Variants in UBR2 observed in about 807,000 individuals in gnomAD.
UBR2 encodes the protein E3 ubiquitin-protein ligase UBR2.
UBR2 carries 92 observed loss-of-function variants against 247.9 expected under a neutral mutation model. That is an observed-to-expected ratio of 0.37 (90% CI 0.31 to 0.44). The LOEUF (loss-of-function observed/expected upper bound fraction) is 0.44. UBR2 is among the 20% of genes least tolerant of loss of function. The pLI is 1.00. For missense variants in UBR2, 1,613 were observed against 2,112.6 expected, an observed-to-expected ratio of 0.76 and a Z score of 4.64; for synonymous variants, 672 against 693.5, an observed-to-expected ratio of 0.97 and a Z score of 0.49.
Position 42,658,756 on chromosome 6 carries a change from T to A in UBR2, c.3174T>A (p.Asp1058Glu), listed in dbSNP as rs367826875. ...QMSEMQRHFI[D>E]ENKELFQQTL... ...CTGAAATGCAGCGGCATTTTATTGA[T>A]GAAAACAAAGAACTCTTTCAGCAGA... Residue 1058 changes from aspartate to glutamate, a missense_variant, in exon 29 of 47, where the codon GAT becomes GAA. Physicochemically the swap from Asp to Glu is conservative, Grantham distance 45. Transcript: ENST00000372901. 1 of 1,611,104 alleles carries A rather than the reference T, an allele frequency of 6.2e-7. No homozygotes were observed. Among genetic ancestry groups the A allele is most frequent in the South Asian group, 1.1e-5 (1 of 90,984 alleles).
chr6:42,625,128 C>T (rs960317754), intron 11 of UBR2, among the ~76,000 whole-genome samples: 2 of 152,098 alleles, frequency 1.3e-5, no homozygotes, highest in Non-Finnish European at 2.9e-5. Context: ...TGCAAAGGCA[C>T]TTTACTCACT....
intron 11 of UBR2, among the ~76,000 whole-genome samples, chr6:42,628,932 A>G (rs550179981): frequency 1.3e-5 from 2 of 152,224 alleles, no homozygotes; most frequent in Admixed American, 6.5e-5. Context: ...ATATGCTGTT[A>G]AATAGGTAAT....
intron 4 of UBR2, among the ~76,000 whole-genome samples, chr6:42,599,910 A>T (rs976986923): frequency 6.6e-6 from 1 of 152,134 alleles, no homozygotes; most frequent in African/African-American, 2.4e-5. Flanking sequence ...TTGTTTTTTT[A>T]AATGAAAATC....
At chr6:42,632,157 T>C (rs905149517) in intron 11 of UBR2, among the ~76,000 whole-genome samples, 3 of 150,516 alleles carry the variant, frequency 2.0e-5, no homozygotes, top group Non-Finnish European at 4.4e-5. Flanking sequence ...GAGAAAATAT[T>C]GTTTCATACT....
chr6:42,614,696 A>C (rs1794427019), intron 8 of UBR2, among the ~76,000 whole-genome samples: 1 of 152,144 alleles, frequency 6.6e-6, no homozygotes, highest in Non-Finnish European at 1.5e-5. Context: ...AGCACATTTT[A>C]TATTTCAATT....
chr6:42,687,376 G>T (rs1048712420), intron 44 of UBR2, among the ~76,000 whole-genome samples: 1 of 152,200 alleles, frequency 6.6e-6, no homozygotes, highest in African/African-American at 2.4e-5. Flanking sequence ...CCCAGGCACT[G>T]GGCAGGCTGA....
chr6:42,685,156 A>G (rs942259078), intron 44 of UBR2, among the ~76,000 whole-genome samples: 1 of 152,146 alleles, frequency 6.6e-6, no homozygotes, highest in African/African-American at 2.4e-5. Flanking sequence ...TACTAAAAAT[A>G]CAGAATTAGC....
chr6:42,683,153 A>G, intron 43 of UBR2, 42 bp downstream of exon 43: 1 of 1,539,890 alleles, frequency 6.5e-7, no homozygotes, highest in South Asian at 1.1e-5. Flanking sequence ...GGTGGGAGAA[A>G]GGGTGGAATC....
At chr6:42,673,530 G>A (rs1009649668) in intron 36 of UBR2, among the ~76,000 whole-genome samples, 9 of 152,184 alleles carry the variant, frequency 5.9e-5, no homozygotes, top group East Asian at 1.9e-4. Context: ...TGTCAGATGC[G>A]TATATTCTAT....
chr6:42,637,535 G>A (rs978344359), intron 15 of UBR2, among the ~76,000 whole-genome samples: 1 of 152,020 alleles, frequency 6.6e-6, no homozygotes, highest in African/African-American at 2.4e-5. Flanking sequence ...TCATTTCATC[G>A]AATCCAGCTT....
chr6:42,689,685 T>C lies in UBR2; in HGVS notation c.5126+15T>C. ...CAGGGACTCAGGTAAGAACCCATCC[T>C]GAGTTAGCTAACTCAGGGCCTGCAG... On this transcript the variant is annotated intron_variant, in intron 46 of 46. Coordinates refer to ENST00000372901, the MANE Select transcript of UBR2 (RefSeq NM_001363705.2). This position sits in a 1 kb window ranked among gnomAD's most constrained non-coding sequence, Gnocchi z 4.0. The C allele has an allele frequency of 1.2e-6, 2 of 1,611,276 alleles. No homozygotes were observed. Among genetic ancestry groups the C allele is most frequent in the South Asian group, 2.2e-5 (2 of 91,024 alleles).
rs754859437 is a variant in UBR2, at chr6:42,670,149, C to T, written c.3939C>T (p.Tyr1313=). 6.2e-7 allele frequency: 1 copy of T among 1,614,136 alleles called. No individual in the cohort carries two copies. Among genetic ancestry groups the T allele is most frequent in the Admixed American group, 1.7e-5 (1 of 60,014 alleles). ...EMLTTFGTAT[Y]KVGLKVHPNE... is the part of the protein sequence containing the mutation. ...TAACGACATTTGGAACTGCTACCTACAAGGTGGGACTAAAGGTTCATCCCA... is the reference window on the plus strand; with the variant it reads ...TAACGACATTTGGAACTGCTACCTATAAGGTGGGACTAAAGGTTCATCCCA... Residue 1313 remains tyrosine, a synonymous_variant, in exon 35 of 47, where the codon TAC becomes TAT. Transcript: ENST00000372901.
Position 42,692,454 on chromosome 6 carries a change from G to A in UBR2, c.*1281G>A, listed in dbSNP as rs1046814112. The A allele has an allele frequency of 6.6e-6, 1 of 152,158 alleles. No homozygotes were observed. The highest frequency in any genetic ancestry group is 1.5e-5 in the Non-Finnish European group (1 of 68,038). 9.4% of individuals were successfully genotyped at this position (152,158 alleles called of 1,614,324 possible). A position where few individuals can be genotyped will look rare whatever the true frequency, so the allele number is the denominator to read the frequency against. ...TTACAAAATAGCTTATAATTATTAT[G>A]TACCACACAACTACTATTGTTTGAT... On this transcript the variant is annotated 3_prime_UTR_variant, in exon 47 of 47. Transcript: ENST00000372901.
chr6:42,673,756 T>G, intron 36 of UBR2, 35 bp from the exon 37 acceptor site: 1 of 1,522,424 alleles, frequency 6.6e-7, no homozygotes, highest in Non-Finnish European at 9.1e-7. Flanking sequence ...TGCTTTGCAT[T>G]TTTGTTTTTT....
chr6:42,572,220 G>A (rs946401831), intron 1 of UBR2, among the ~76,000 whole-genome samples: 3 of 151,990 alleles, frequency 2.0e-5, no homozygotes, highest in Admixed American at 6.6e-5. Context: ...CTCTTTCACC[G>A]TTTTTGGTTA....
At chr6:42,640,382 A>AT in intron 16 of UBR2, 112 bp downstream of exon 16, 4 of 318,428 alleles carry the variant, frequency 1.3e-5, no homozygotes, top group Middle Eastern at 7.1e-4. Context: ...AGAACCAGTA[A>AT]GGTGTGTGTG....
chr6:42,577,707 G>A (rs1299857749), intron 2 of UBR2, among the ~76,000 whole-genome samples: 2 of 151,534 alleles, frequency 1.3e-5, no homozygotes, highest in African/African-American at 4.9e-5. Context: ...GAGAAGTAAG[G>A]TTTCATCCCC....
chr6:42,611,170 T>C (rs1794055614), intron 7 of UBR2, among the ~76,000 whole-genome samples: 1 of 147,534 alleles, frequency 6.8e-6, no homozygotes, highest in African/African-American at 2.5e-5. Flanking sequence ...AAAAAAAAAG[T>C]TGATAACATG....
At chr6:42,603,028 G>A (rs137975049) in intron 4 of UBR2, among the ~76,000 whole-genome samples, 7 of 152,128 alleles carry the variant, frequency 4.6e-5, no homozygotes, top group South Asian at 2.1e-4. Context: ...TCACTCTTAC[G>A]TCTAGTGTAT....
Sources: gnomAD v4.1 joint callset for allele counts (sites outside exome capture counted in the v4.1 genomes callset) on GRCh38, gnomAD v4.1.1 for gene constraint, Gnocchi (gnomAD v3.1) non-coding constraint, MANE v1.5 for transcripts, NCBI Gene and HGNC (gene_info 2026-07-23, HGNC 2026-07-21) for gene names.